Variants in DNAAF10 observed in about 807,000 individuals in gnomAD.
The protein encoded by DNAAF10 is dynein axonemal assembly factor 10.
Under a neutral mutation model 43.7 loss-of-function variants are expected in DNAAF10, and 28 were observed. The ratio of observed to expected loss-of-function variants is 0.64; its 90% CI spans 0.48 to 0.88. The LOEUF is 0.88. Among genes scored for constraint, DNAAF10 ranks in the 40% least tolerant of loss-of-function variants. The pLI is 0.00. For synonymous variants in DNAAF10, 156 were observed against 157.3 expected (o/e 0.99, Z 0.06); for missense variants, 403 against 439.1 (o/e 0.92, Z 0.73).
chr2:68,155,892 T>C (rs2103647068), intron 1 of DNAAF10, among the ~76,000 whole-genome samples: 1 of 151,230 alleles, frequency 6.6e-6, no homozygotes, highest in South Asian at 2.1e-4. Context: ...AGCCCAGGAG[T>C]TGGAGACCAG....
intron 6 of DNAAF10, among the ~76,000 whole-genome samples, chr2:68,135,774 G>A (rs924126239): frequency 9.2e-5 from 14 of 152,166 alleles, no homozygotes; most frequent in Non-Finnish European, 1.3e-4. Flanking sequence ...TCAAGCTGTC[G>A]AAACATTTTA....
intron 6 of DNAAF10, among the ~76,000 whole-genome samples, chr2:68,135,470 T>G (rs1340913667): frequency 6.6e-6 from 1 of 152,196 alleles, no homozygotes; most frequent in Non-Finnish European, 1.5e-5. Context: ...GTTAACAGGT[T>G]GTTAGCACCT....
intron 6 of DNAAF10, among the ~76,000 whole-genome samples, chr2:68,136,634 C>G (rs1356702407): frequency 1.3e-5 from 2 of 152,178 alleles, no homozygotes; most frequent in African/African-American, 4.8e-5. Context: ...GTTCAAATCA[C>G]ATTTCCAATC....
chr2:68,134,119 T>C (rs1488990488), intron 7 of DNAAF10: 6 of 984,938 alleles, frequency 6.1e-6, no homozygotes, highest in Non-Finnish European at 6.0e-6. Flanking sequence ...TTTTGTTTTG[T>C]TTTGTTTTGT....
intron 7 of DNAAF10, among the ~76,000 whole-genome samples, chr2:68,133,622 G>A (rs946009799): frequency 3.3e-5 from 5 of 152,014 alleles, no homozygotes; most frequent in African/African-American, 7.2e-5. Flanking sequence ...GCGTCGTGGC[G>A]GGCACCTGTA....
intron 2 of DNAAF10, among the ~76,000 whole-genome samples, chr2:68,146,996 G>A (rs1180018699): frequency 6.6e-6 from 1 of 152,066 alleles, no homozygotes; most frequent in Non-Finnish European, 1.5e-5. Flanking sequence ...TTCAAAAAAA[G>A]TTTATTTTGA....
chr2:68,143,632 A>G (rs1477266304), intron 3 of DNAAF10, among the ~76,000 whole-genome samples: 2 of 152,260 alleles, frequency 1.3e-5, no homozygotes, highest in African/African-American at 2.4e-5. Flanking sequence ...AAGTACGGCC[A>G]TATGATGGAA....
chr2:68,131,578 T>C (rs1572914627), intron 7 of DNAAF10, 133 bp from the exon 8 acceptor site: 3 of 841,328 alleles, frequency 3.6e-6, no homozygotes, highest in African/African-American at 3.4e-5. Flanking sequence ...ATCTTTCTAA[T>C]ACTGAGTTGT....
intron 1 of DNAAF10, chr2:68,156,936 C>T (rs2103652037): frequency 2.6e-6 from 1 of 387,276 alleles, no homozygotes; most frequent in East Asian, 5.0e-5. Context: ...CCATTCACAT[C>T]CCTGGGAATA....
chr2:68,157,024 T>C (rs1673637993), intron 1 of DNAAF10: 1 of 593,608 alleles, frequency 1.7e-6, no homozygotes, highest in Non-Finnish European at 2.9e-6. Context: ...GGTGCCCGCT[T>C]TGGCTGGACT....
Position 68,144,786 on chromosome 2 carries a change from ATATAT to A in DNAAF10, c.285-76_285-72del. ...AAGTCTACTACTGAAATTCAAAAAG[ATATAT>A]TATAGTTAGATTTTTTCTGTATAGA... On this transcript the variant is annotated intron_variant, in intron 2 of 7. Coordinates refer to ENST00000295121, the MANE Select transcript of DNAAF10 (RefSeq NM_138458.4). 8 of 1,516,908 alleles carry A rather than the reference ATATAT, an allele frequency of 5.3e-6. No individual in the cohort carries two copies. In the South Asian group the frequency reaches 7.9e-5, roughly 15 times the overall value. The allele number at this position is 1,516,908 out of a possible 1,614,324, so 94.0% of individuals were successfully genotyped here. A position where few individuals can be genotyped will look rare whatever the true frequency, so the allele number is the denominator to read the frequency against.
intron 1 of DNAAF10, among the ~76,000 whole-genome samples, chr2:68,150,480 A>C (rs5018482): frequency 0.74 from 112,233 of 152,182 alleles, 42,504 homozygotes; most frequent in African/African-American, 0.93. Flanking sequence ...CGCCTATAAT[A>C]TCAGCACTTT....
chr2:68,153,845 G>T (rs776858514), intron 1 of DNAAF10, among the ~76,000 whole-genome samples: 1 of 143,992 alleles, frequency 6.9e-6, no homozygotes, highest in African/African-American at 2.6e-5. Flanking sequence ...TCTGCCTCCC[G>T]GGTTCAAGTG....
Position 68,130,000 on chromosome 2 carries a change from TC to T in DNAAF10, c.*1237del, listed in dbSNP as rs1331526286. On this transcript the variant is annotated 3_prime_UTR_variant, in exon 8 of 8. Coordinates refer to ENST00000295121, the MANE Select transcript of DNAAF10 (RefSeq NM_138458.4). Reference sequence around the variant, plus strand: ...AAACCAAAAGTCTCACCAATTCAGTTCCTGTATTTTAAGTAAAAAAGAGCTC... The same window carrying T: ...AAACCAAAAGTCTCACCAATTCAGTTCTGTATTTTAAGTAAAAAAGAGCTC... 1 of 151,658 alleles carries T rather than the reference TC, an allele frequency of 6.6e-6. No homozygotes were observed. Among genetic ancestry groups the T allele is most frequent in the Non-Finnish European group, 1.5e-5 (1 of 67,920 alleles). The allele number at this position is 151,658 out of a possible 1,614,324, so 9.4% of individuals were successfully genotyped here.
At chr2:68,153,336 G>C (rs1362279850) in intron 1 of DNAAF10, among the ~76,000 whole-genome samples, 1 of 135,124 alleles carries the variant, frequency 7.4e-6, no homozygotes, top group Non-Finnish European at 1.5e-5. Context: ...CTCCAAGTCA[G>C]TGATAAATTA....
In DNAAF10 at chr2:68,144,688, T is replaced by C. The variant is rs531850635; in HGVS notation, c.312A>G (p.Val104=). 2.8e-5 allele frequency: 45 copies of C among 1,613,424 alleles called. 1 individual carries two copies. In the South Asian group the frequency reaches 4.0e-4, roughly 14 times the overall value. Residue 104 remains valine, a synonymous_variant, in exon 3 of 8, where the codon GTA becomes GTG. Transcript: ENST00000295121. ...IWNLEAPEMP[V]YSVKGHKEII... ...TTTCTTTATGGCCCTTTACAGAATATACTGGCATCTCTGGAGCTTCTAAAT... is the reference window on the plus strand; with the variant it reads ...TTTCTTTATGGCCCTTTACAGAATACACTGGCATCTCTGGAGCTTCTAAAT...
intron 1 of DNAAF10, chr2:68,156,924 T>C (rs558355082): frequency 2.8e-6 from 1 of 352,292 alleles, no homozygotes; most frequent in Admixed American, 4.5e-5. Context: ...TGGGGGACAT[T>C]ACCATTCACA....
chr2:68,132,362 T>C (rs1672944561), intron 7 of DNAAF10, among the ~76,000 whole-genome samples: 1 of 152,168 alleles, frequency 6.6e-6, no homozygotes, highest in African/African-American at 2.4e-5. Flanking sequence ...TTTCTCTTCC[T>C]CTCAAACCCT....
intron 1 of DNAAF10, among the ~76,000 whole-genome samples, chr2:68,154,873 C>T (rs1673551978): frequency 6.6e-6 from 1 of 152,128 alleles, no homozygotes; most frequent in South Asian, 2.1e-4. Flanking sequence ...AGAGATCCTC[C>T]CACCACAGCC....
Sources: gnomAD v4.1 joint callset for allele counts (sites outside exome capture counted in the v4.1 genomes callset) on GRCh38, gnomAD v4.1.1 for gene constraint, MANE v1.5 for transcripts, NCBI Gene and HGNC (gene_info 2026-07-23, HGNC 2026-07-21) for gene names.